PRSS12: variants seen among roughly 807,000 people sequenced by gnomAD.
The protein encoded by PRSS12 is neurotrypsin.
PRSS12 carries 85 observed loss-of-function variants against 104.4 expected under a neutral mutation model. The ratio of observed to expected loss-of-function variants is 0.81; its 90% CI spans 0.68 to 0.98. The LOEUF (loss-of-function observed/expected upper bound fraction) is 0.98, where lower values mean the gene tolerates loss of function less well. PRSS12 is among the 50% of genes least tolerant of loss of function. The probability of loss-of-function intolerance (pLI) is 0.00; values close to 1 mark genes in which losing one functional copy is unlikely to be tolerated. For missense variants in PRSS12, 1,141 were observed against 1,139.2 expected, an observed-to-expected ratio of 1.00 and a Z score of -0.02; for synonymous variants, 454 against 425.2, an observed-to-expected ratio of 1.07 and a Z score of -0.83.
intron 6 of PRSS12, among the ~76,000 whole-genome samples, chr4:118,315,236 A>G (rs1191078258): frequency 6.6e-6 from 1 of 152,148 alleles, no homozygotes; most frequent in Non-Finnish European, 1.5e-5. Context: ...AAATGTGGAT[A>G]AAAATTACAT....
intron 1 of PRSS12, among the ~76,000 whole-genome samples, chr4:118,351,561 A>G (rs953547488): frequency 6.6e-6 from 1 of 152,142 alleles, no homozygotes; most frequent in South Asian, 2.1e-4. Flanking sequence ...GTATAACTAT[A>G]TTAAGTTGCT....
At position 118,331,696 on chromosome 4, in the gene PRSS12, C is replaced by T. The variant is rs775440227; in HGVS notation, c.971+20G>A. ...ATAAGATTCAAAAGTTTAAGCAAAA[C>T]AAGAGTAGTAAAAACAAACCTGAGG... On this transcript the variant is annotated intron_variant, in intron 4 of 12. Transcript: ENST00000296498. The T allele has an allele frequency of 1.2e-5, 19 of 1,613,872 alleles. No individual in the cohort carries two copies. Among genetic ancestry groups the T allele is most frequent in the Non-Finnish European group, 1.4e-5 (17 of 1,179,952 alleles).
Position 118,335,483 on chromosome 4 carries a change from G to C in PRSS12, c.810C>G (p.Ser270Arg). The change falls in exon 3 of 13, where the codon AGC becomes AGG. Residue 270 changes from serine to arginine, a missense_variant. Physicochemically the swap from Ser to Arg is moderately radical, Grantham distance 110. Coordinates refer to ENST00000296498, the MANE Select transcript of PRSS12 (RefSeq NM_003619.4). ...PQKMAAAVTCSFSHGPTFPII... is the reference protein window; with the variant it reads ...PQKMAAAVTCRFSHGPTFPII... ...TTTTCTTTTTTTTACCATGGGAAAA[G>C]CTACACGTGACAGCAGCTGCCATCT... 1 of 1,613,754 alleles carries C rather than the reference G, an allele frequency of 6.2e-7. No homozygotes were observed. Among genetic ancestry groups the C allele is most frequent in the Non-Finnish European group, 8.5e-7 (1 of 1,179,876 alleles).
At chr4:118,330,488 T>A (rs1416736303) in intron 4 of PRSS12, among the ~76,000 whole-genome samples, 2 of 151,912 alleles carry the variant, frequency 1.3e-5, no homozygotes, top group African/African-American at 4.8e-5. Flanking sequence ...ATCAGCATTA[T>A]GGAAAAACCA....
intron 11 of PRSS12, 141 bp from the exon 12 acceptor site, chr4:118,283,252 G>A (rs1742934253): frequency 3.9e-6 from 4 of 1,026,768 alleles, no homozygotes; most frequent in Admixed American, 1.9e-5. Flanking sequence ...CCATTTATCT[G>A]ACCCACCATT....
chr4:118,315,104 A>G (rs1293749641), intron 6 of PRSS12, among the ~76,000 whole-genome samples: 1 of 152,140 alleles, frequency 6.6e-6, no homozygotes, highest in Non-Finnish European at 1.5e-5. Flanking sequence ...TTGTGTTTTC[A>G]TGATAGCATT....
chr4:118,347,967 T>C (rs979414327), intron 1 of PRSS12, among the ~76,000 whole-genome samples: 1 of 152,222 alleles, frequency 6.6e-6, no homozygotes, highest in African/African-American at 2.4e-5. Flanking sequence ...TGGTAGCTCA[T>C]GCCTGTAATT....
chr4:118,331,782 C>G lies in PRSS12; in HGVS notation c.905G>C (p.Gly302Ala). Residue 302 changes from glycine (G) to alanine (A), a missense_variant, in exon 4 of 13, where the codon GGA becomes GCA. Physicochemically the swap from Gly to Ala is moderately conservative, Grantham distance 60 (BLOSUM62 0). Coordinates refer to ENST00000296498, the MANE Select transcript of PRSS12 (RefSeq NM_003619.4). ...ATCCCATTGGTCATCACAAACGGTT[C>G]CCCACTGGCCAGCATGGTAGAGCTC... Reference protein sequence around the residue: ...RVELYHAGQWGTVCDDQWDDA... With the variant: ...RVELYHAGQWATVCDDQWDDA... The G allele has an allele frequency of 6.2e-7, 1 of 1,614,114 alleles. No individual in the cohort carries two copies. Among genetic ancestry groups the G allele is most frequent in the Non-Finnish European group, 8.5e-7 (1 of 1,180,016 alleles).
chr4:118,316,837 A>AAAAATATAAATATATAT (rs35698159), intron 5 of PRSS12, among the ~76,000 whole-genome samples: 1 of 99,194 alleles, frequency 1.0e-5, no homozygotes, highest in Non-Finnish European at 2.0e-5. Context: ...AAAAAAAAAA[A>AAAAATATAAATATATAT]ATATATATAT....
chr4:118,300,850 G>A (rs1274270451), intron 8 of PRSS12, among the ~76,000 whole-genome samples: 1 of 152,046 alleles, frequency 6.6e-6, no homozygotes, highest in African/African-American at 2.4e-5. Context: ...CAAAACTGTA[G>A]GTGATTCTTC....
intron 1 of PRSS12, among the ~76,000 whole-genome samples, chr4:118,349,773 C>T (rs181413057): frequency 9.9e-5 from 15 of 152,216 alleles, no homozygotes; most frequent in Admixed American, 7.8e-4. Flanking sequence ...AAGGCAGAGG[C>T]GGGTGGATGG....
rs77457443 is a variant in PRSS12, at chr4:118,342,250, T to C, written c.503-3936A>G. On this transcript the variant is annotated intron_variant, in intron 1 of 12. Transcript: ENST00000296498. Reference sequence around the variant, plus strand: ...GCTAACCAAGTGAACTAATTTCTATTGCTGTACCTAACAATAAAGTGATTT... The same window carrying C: ...GCTAACCAAGTGAACTAATTTCTATCGCTGTACCTAACAATAAAGTGATTT... 5.4e-3 allele frequency among the ~76,000 whole-genome samples: 820 copies of C among 152,362 alleles called. 8 individuals are homozygous for C. Among genetic ancestry groups the C allele is most frequent in the African/African-American group, 0.018 (759 of 41,578 alleles).
In PRSS12 at chr4:118,352,901, C is replaced by T. The variant is rs1367769563; in HGVS notation, c.-181G>A. The T allele has an allele frequency of 4.3e-6, 6 of 1,398,440 alleles. No homozygotes were observed. Among genetic ancestry groups the T allele is most frequent in the Non-Finnish European group, 5.6e-6 (6 of 1,077,846 alleles). 86.6% of individuals were successfully genotyped at this position (1,398,440 alleles called of 1,614,324 possible). ...TCCCGCCGCTGGTGCCCTGCCGCGC[C>T]TCGGCTCCTGTCCCCTGGCGGCGGC... is the stretch of plus-strand genomic sequence containing the variant. On this transcript the variant is annotated 5_prime_UTR_variant, in exon 1 of 13. Coordinates refer to ENST00000296498, the MANE Select transcript of PRSS12 (RefSeq NM_003619.4).
chr4:118,308,647 A>G, intron 7 of PRSS12, 70 bp from the exon 8 acceptor site: 1 of 1,558,898 alleles, frequency 6.4e-7, no homozygotes, highest in South Asian at 1.1e-5. Flanking sequence ...GAGCGACTCT[A>G]CAAAACACAA....
At position 118,294,826 on chromosome 4, in the gene PRSS12, C is replaced by A. The variant is rs935338830; in HGVS notation, c.2039+113G>T. The A allele has an allele frequency of 2.9e-5, 41 of 1,434,444 alleles. No homozygotes were observed. The Admixed American group carries it at 6.7e-4, about 24-fold the overall frequency. The allele number at this position is 1,434,444 out of a possible 1,614,324, so 88.9% of individuals were successfully genotyped here. A position where few individuals can be genotyped will look rare whatever the true frequency, so the allele number is the denominator to read the frequency against. On this transcript the variant is annotated intron_variant, in intron 11 of 12. Transcript: ENST00000296498. ...CATTCCACAGGGCTGCTGGCACAAGCAGCGAAAGCTCATAGCCTGGCTCTG... is the reference window on the plus strand; with the variant it reads ...CATTCCACAGGGCTGCTGGCACAAGAAGCGAAAGCTCATAGCCTGGCTCTG...
intron 4 of PRSS12, among the ~76,000 whole-genome samples, chr4:118,324,500 T>C (rs1456124324): frequency 6.6e-6 from 1 of 152,104 alleles, no homozygotes; most frequent in African/African-American, 2.4e-5. Context: ...CTGAAGTATA[T>C]TGTGTTTCAA....
chr4:118,330,465 G>A (rs1350154787), intron 4 of PRSS12, among the ~76,000 whole-genome samples: 1 of 151,964 alleles, frequency 6.6e-6, no homozygotes, highest in Non-Finnish European at 1.5e-5. Context: ...AACTGGCCTT[G>A]GCTCTTCAAC....
intron 11 of PRSS12, among the ~76,000 whole-genome samples, chr4:118,292,771 G>A (rs1262305753): frequency 6.6e-6 from 1 of 151,988 alleles, no homozygotes; most frequent in Admixed American, 6.6e-5. Flanking sequence ...GTTTGATCAG[G>A]CTGGGAAGCA....
intron 7 of PRSS12, chr4:118,312,918 T>C: frequency 2.3e-6 from 1 of 436,690 alleles, no homozygotes; most frequent in South Asian, 2.3e-5. Context: ...TACTGCAGCT[T>C]CTTTATTCCA....
Sources: gnomAD v4.1 joint callset for allele counts (sites outside exome capture counted in the v4.1 genomes callset) on GRCh38, gnomAD v4.1.1 for gene constraint, MANE v1.5 for transcripts, NCBI Gene and HGNC (gene_info 2026-07-23, HGNC 2026-07-21) for gene names.